Variants in KCNMA1 observed in about 807,000 individuals in gnomAD.
KCNMA1 encodes potassium calcium-activated channel subfamily M alpha 1.
A neutral mutation model predicts 140.0 loss-of-function variants in KCNMA1; 29 were observed. That is an observed-to-expected ratio of 0.21 (90% CI 0.15 to 0.28). The LOEUF (loss-of-function observed/expected upper bound fraction) is 0.28, where lower values mean the gene tolerates loss of function less well. Ranked by LOEUF, KCNMA1 falls within the 10% of genes least tolerant of loss-of-function variation. KCNMA1 has a pLI of 1.00. For synonymous variants in KCNMA1, 612 were observed against 611.9 expected (o/e 1.00, Z 0.00); for missense variants, 880 against 1,602.2 (o/e 0.55, Z 7.70).
At chr10:77,442,589 T>C (rs1292030615) in intron 1 of KCNMA1, among the ~76,000 whole-genome samples, 1 of 152,032 alleles carries the variant, frequency 6.6e-6, no homozygotes, top group African/African-American at 2.4e-5. Context: ...ACAATAACGA[T>C]ACTGACCTCT....
At chr10:77,524,667 C>A (rs1168379342) in intron 1 of KCNMA1, among the ~76,000 whole-genome samples, 6 of 152,162 alleles carry the variant, frequency 3.9e-5, no homozygotes, top group Admixed American at 3.3e-4. Flanking sequence ...CACACTGATG[C>A]AGCTTGTGGG....
chr10:77,439,250 C>G (rs1422047101), intron 1 of KCNMA1, among the ~76,000 whole-genome samples: 1 of 152,186 alleles, frequency 6.6e-6, no homozygotes, highest in Non-Finnish European at 1.5e-5. Context: ...CTAGATTATA[C>G]CATAAACATT....
chr10:77,184,029 A>C (rs2098824887), intron 4 of KCNMA1, among the ~76,000 whole-genome samples: 1 of 151,752 alleles, frequency 6.6e-6, no homozygotes, highest in Admixed American at 6.6e-5. Context: ...ATTCATGTAA[A>C]TATAACTATA....
chr10:76,961,919 T>C (rs916280501), intron 20 of KCNMA1, among the ~76,000 whole-genome samples: 2 of 152,248 alleles, frequency 1.3e-5, no homozygotes, highest in African/African-American at 4.8e-5. Flanking sequence ...TTCACTTTGT[T>C]GTGGTGGTCT....
chr10:77,490,838 C>G (rs1719697828), intron 1 of KCNMA1, among the ~76,000 whole-genome samples: 1 of 152,178 alleles, frequency 6.6e-6, no homozygotes, highest in Non-Finnish European at 1.5e-5. Flanking sequence ...TAGGACCACA[C>G]AGAACCCCAG....
chr10:77,390,064 C>G (rs954685799), intron 2 of KCNMA1, among the ~76,000 whole-genome samples: 1 of 152,222 alleles, frequency 6.6e-6, no homozygotes, highest in Admixed American at 6.5e-5. Context: ...GTGAGCCTAA[C>G]ACTTGTGGCC....
chr10:76,937,702 G>C (rs1488268807), intron 23 of KCNMA1, among the ~76,000 whole-genome samples: 2 of 152,226 alleles, frequency 1.3e-5, no homozygotes, highest in Non-Finnish European at 2.9e-5. Flanking sequence ...CTTTAGGATA[G>C]GGAAGGTGTA....
rs376469151 is a variant in KCNMA1, at chr10:77,138,745, C to G, written c.809-17697G>C. 9.8e-5 allele frequency among the ~76,000 whole-genome samples: 15 copies of G among 152,338 alleles called. No homozygotes were observed. In the East Asian group the frequency reaches 2.7e-3, roughly 27 times the overall value. The stretch of plus-strand genomic sequence containing the variant: ...TTTCTGCTCATTTCATCACCACTCT[C>G]CATGTCCTCACGCCCTGCACACAGT... On this transcript the variant is annotated intron_variant, in intron 5 of 27. Transcript: ENST00000286628.
At chr10:77,500,739 G>C (rs2043561658) in intron 1 of KCNMA1, among the ~76,000 whole-genome samples, 1 of 152,156 alleles carries the variant, frequency 6.6e-6, no homozygotes, top group Non-Finnish European at 1.5e-5. Flanking sequence ...GTTTACTGAA[G>C]TACTATTGCT....
rs574024496 is a variant in KCNMA1, at chr10:77,462,234, C to A, written c.379-58211G>T. Among the ~76,000 whole-genome samples, 4 of 152,000 alleles carry A rather than the reference C, an allele frequency of 2.6e-5. No individual in the cohort carries two copies. In the East Asian group the frequency reaches 7.8e-4, roughly 29 times the overall value. On this transcript the variant is annotated intron_variant, in intron 1 of 27. Transcript: ENST00000286628. The stretch of plus-strand genomic sequence containing the variant: ...ACATATACTCAGATAGATGCACACA[C>A]CTAAACACAAATATACACATGTATA...
At chr10:77,104,271 C>T (rs1355854468) in intron 9 of KCNMA1, among the ~76,000 whole-genome samples, 1 of 152,188 alleles carries the variant, frequency 6.6e-6, no homozygotes, top group Non-Finnish European at 1.5e-5. Flanking sequence ...GTGTGTGGCA[C>T]TCCTGTCTCT....
downstream of KCNMA1, chr10:76,884,849 A>C: frequency 1.6e-6 from 2 of 1,281,346 alleles, no homozygotes; most frequent in Admixed American, 6.5e-5. Flanking sequence ...GAACAATATA[A>C]ATAAAAATAA....
intron 9 of KCNMA1, among the ~76,000 whole-genome samples, chr10:77,105,983 C>T (rs2097190942): frequency 6.6e-6 from 1 of 152,116 alleles, no homozygotes; most frequent in Non-Finnish European, 1.5e-5. Flanking sequence ...TTTCATCAAT[C>T]TTGTTTTACT....
chr10:77,398,060 A>ATGTATG, intron 2 of KCNMA1, among the ~76,000 whole-genome samples: 1 of 148,488 alleles, frequency 6.7e-6, no homozygotes, highest in Non-Finnish European at 1.5e-5. Context: ...ATATGTGTGT[A>ATGTATG]TGTGTGTGTG....
chr10:76,887,108 A>G lies in KCNMA1; in HGVS notation c.*158T>C. 6.4e-7 allele frequency: 1 copy of G among 1,573,310 alleles called. No homozygotes were observed. Among genetic ancestry groups the G allele is most frequent in the East Asian group, 2.3e-5 (1 of 44,026 alleles). On this transcript the variant is annotated 3_prime_UTR_variant, in exon 28 of 28. Transcript: ENST00000286628. ...CAAGGGTTTTATGGTGGTGAAATAA[A>G]AATGACAACCACATGCACACTATCA...
At chr10:77,566,746 C>A (rs2068472199) in intron 1 of KCNMA1, among the ~76,000 whole-genome samples, 1 of 152,184 alleles carries the variant, frequency 6.6e-6, no homozygotes, top group Non-Finnish European at 1.5e-5. Flanking sequence ...CGGGTGGAGG[C>A]AAGCCCAGGT....
chr10:77,020,386 T>G (rs1265663813), intron 16 of KCNMA1: 1 of 152,174 alleles, frequency 6.6e-6, no homozygotes, highest in Non-Finnish European at 1.5e-5. Flanking sequence ...TAATTTTTTG[T>G]GGTCACAAGA....
chr10:76,960,729 G>C (rs12262464), intron 20 of KCNMA1, among the ~76,000 whole-genome samples: 1 of 141,418 alleles, frequency 7.1e-6, no homozygotes, highest in Non-Finnish European at 1.5e-5. Flanking sequence ...GGGATTTTCA[G>C]AATGTTAAAT....
intron 2 of KCNMA1, among the ~76,000 whole-genome samples, chr10:77,305,556 A>G (rs2077502063): frequency 6.6e-6 from 1 of 152,192 alleles, no homozygotes; most frequent in Non-Finnish European, 1.5e-5. Context: ...TCTCTCTACC[A>G]AAGGTTTAAT....
Sources: allele counts gnomAD v4.1 joint callset (sites outside exome capture counted in the v4.1 genomes callset), GRCh38; gene constraint gnomAD v4.1.1; transcripts MANE v1.5; gene names NCBI Gene and HGNC (gene_info 2026-07-23, HGNC 2026-07-21).